The following CEP290 variants were observed in gnomAD, a reference collection of about 807,000 sequenced individuals.
CEP290 encodes centrosomal protein 290, also known as centrosomal protein of 290 kDa.
In CEP290, 317 loss-of-function variants were observed where a neutral mutation model predicts 344.9. The observed-to-expected ratio is 0.92, with a 90% CI of 0.84 to 1.01. The LOEUF is 1.01. CEP290 is among the 50% of genes least tolerant of loss of function. The pLI, the probability that CEP290 is intolerant of heterozygous loss-of-function variation, is 0.00. For synonymous variants in CEP290, 932 were observed against 895.8 expected (o/e 1.04, Z -0.72); for missense variants, 2,754 against 2,761.4 (o/e 1.00, Z 0.06).
At position 88,060,812 on chromosome 12, in the gene CEP290, C is replaced by A. The variant is rs1359522025; in HGVS notation, c.6522+18G>T. ...CGTAAAATATTCCCCTAAAAATGATCACATTAAAAAAAATTACCTTCAATT... is the reference window on the plus strand; with the variant it reads ...CGTAAAATATTCCCCTAAAAATGATAACATTAAAAAAAATTACCTTCAATT... On this transcript the variant is annotated intron_variant, in intron 47 of 53. Coordinates refer to ENST00000552810, the MANE Select transcript of CEP290 (RefSeq NM_025114.4). 1 of 1,396,968 alleles carries A rather than the reference C, an allele frequency of 7.2e-7. No individual in the cohort carries two copies. The highest frequency in any genetic ancestry group is 1.4e-5 in the South Asian group (1 of 71,474). The allele number at this position is 1,396,968 out of a possible 1,614,324, so 86.5% of individuals were successfully genotyped here. A position where few individuals can be genotyped will look rare whatever the true frequency, so the allele number is the denominator to read the frequency against.
rs766982108 is a variant in CEP290 at position 88,106,914 on chromosome 12, A to G, written c.2587-9T>C. The G allele has an allele frequency of 6.3e-6, 10 of 1,591,812 alleles. No individual in the cohort carries two copies. The Admixed American group carries it at 1.7e-4, about 28-fold the overall frequency. ...AGAGCATTGAGCAAATTCTGCACAA[A>G]GACACATCCATATTACTTGTTGAAT... On this transcript the variant is annotated splice_polypyrimidine_tract_variant and intron_variant, in intron 24 of 53. Coordinates refer to ENST00000552810, the MANE Select transcript of CEP290 (RefSeq NM_025114.4).
At chr12:88,059,640 C>G (rs1172918548) in intron 48 of CEP290, among the ~76,000 whole-genome samples, 1 of 152,206 alleles carries the variant, frequency 6.6e-6, no homozygotes, top group Non-Finnish European at 1.5e-5. Context: ...ATCTCCTGAC[C>G]TCGTGATCCA....
intron 12 of CEP290, among the ~76,000 whole-genome samples, 179 bp downstream of exon 12, chr12:88,126,137 A>G (rs189189029): frequency 7.9e-5 from 12 of 152,226 alleles, no homozygotes; most frequent in African/African-American, 2.4e-4. Context: ...CGTGATCTAA[A>G]CTTAATTCTA....
intron 11 of CEP290, among the ~76,000 whole-genome samples, chr12:88,128,323 G>A (rs1388651334): frequency 6.6e-6 from 1 of 152,102 alleles, no homozygotes; most frequent in Non-Finnish European, 1.5e-5. Flanking sequence ...CAAGATTTAT[G>A]TGAACCATAC....
chr12:88,115,598 A>G, intron 18 of CEP290: 1 of 1,226,750 alleles, frequency 8.2e-7, no homozygotes, highest in South Asian at 1.3e-5. Context: ...AAATTAGACA[A>G]GTCAATGAGT....
intron 32 of CEP290, among the ~76,000 whole-genome samples, chr12:88,087,196 A>C (rs866995865): frequency 6.6e-6 from 1 of 152,228 alleles, no homozygotes; most frequent in East Asian, 1.9e-4. Flanking sequence ...TATCAGTGAG[A>C]GCCAGTAGAA....
chr12:88,121,412 T>C (rs1184889164), intron 13 of CEP290, among the ~76,000 whole-genome samples: 1 of 152,112 alleles, frequency 6.6e-6, no homozygotes, highest in East Asian at 1.9e-4. Flanking sequence ...AATACTGCTT[T>C]ACAAAAAATG....
rs767636506 is a variant in CEP290 at position 88,083,226 on chromosome 12, A to G, written c.4817T>C (p.Leu1606Ser). The change falls in exon 37 of 54, where the codon TTA (leucine) becomes TCA (serine). Residue 1606 changes from leucine (L) to serine (S), a missense_variant. By Grantham distance (145) the Leu-to-Ser change is moderately radical. Transcript: ENST00000552810. ...LNKFKQTAWDLMKQSPTPVPT... is the reference protein window; with the variant it reads ...LNKFKQTAWDSMKQSPTPVPT... Reference sequence around the variant, plus strand: ...AACTGGAGTGGGAGACTGTTTCATTAAATCCTATAAAATATGAATATATTA... The same window carrying G: ...AACTGGAGTGGGAGACTGTTTCATTGAATCCTATAAAATATGAATATATTA... 2 of 1,448,762 alleles carry G rather than the reference A, an allele frequency of 1.4e-6. No individual in the cohort carries two copies. The highest frequency in any genetic ancestry group is 6.2e-5 in the Admixed American group (2 of 32,184). 89.7% of individuals were successfully genotyped at this position (1,448,762 alleles called of 1,614,324 possible).
Position 88,060,948 on chromosome 12 carries a change from C to A in CEP290, c.6404G>T (p.Gly2135Val). Residue 2135 changes from glycine to valine, a missense_variant, in exon 47 of 54, where the codon GGT (glycine) becomes GTT (valine). Transcript: ENST00000552810. Reference sequence around the variant, plus strand: ...TTTTTCAACTACTTTTTTCATTAAACCAATGGTTTTTTCCAGTTCTGGGAT... The same window carrying A: ...TTTTTCAACTACTTTTTTCATTAAAACAATGGTTTTTTCCAGTTCTGGGAT... ...KTIPELEKTI[G>V]LMKKVVEKVQ... The A allele has an allele frequency of 6.4e-7, 1 of 1,561,702 alleles. No individual in the cohort carries two copies. The highest frequency in any genetic ancestry group is 8.7e-7 in the Non-Finnish European group (1 of 1,151,926).
intron 18 of CEP290, among the ~76,000 whole-genome samples, chr12:88,116,697 G>A (rs747391621): frequency 1.3e-3 from 204 of 152,238 alleles, no homozygotes; most frequent in Non-Finnish European, 2.0e-3. Context: ...TTTCCTGGCC[G>A]GGCGCGGTGG....
At chr12:88,061,128 C>A in intron 46 of CEP290, 134 bp from the exon 47 acceptor site, 1 of 607,082 alleles carries the variant, frequency 1.6e-6, no homozygotes, top group East Asian at 3.4e-5. Flanking sequence ...TCAATTCATC[C>A]TTAAAACAAT....
At chr12:88,133,949 G>A (rs932418716) in intron 6 of CEP290, among the ~76,000 whole-genome samples, 8 of 152,038 alleles carry the variant, frequency 5.3e-5, no homozygotes, top group African/African-American at 1.9e-4. Flanking sequence ...CCTTTCTTGA[G>A]CTTTTCCTTG....
intron 23 of CEP290, among the ~76,000 whole-genome samples, chr12:88,108,586 G>GAA: frequency 6.6e-6 from 1 of 152,090 alleles, no homozygotes; most frequent in Non-Finnish European, 1.5e-5. Flanking sequence ...CAGAAATAAG[G>GAA]AGAAATATGT....
chr12:88,050,789 T>C (rs1374752332), intron 52 of CEP290, among the ~76,000 whole-genome samples: 2 of 152,186 alleles, frequency 1.3e-5, no homozygotes, highest in African/African-American at 2.4e-5. Flanking sequence ...TAAGGGACTA[T>C]AACCATAAGC....
chr12:88,092,116 T>C (rs926416013), intron 29 of CEP290, among the ~76,000 whole-genome samples: 5 of 152,152 alleles, frequency 3.3e-5, no homozygotes, highest in Non-Finnish European at 7.4e-5. Flanking sequence ...TTTTGTGTTC[T>C]AAACTAGCTG....
At chr12:88,074,685 C>G (rs1592795227) in intron 41 of CEP290, among the ~76,000 whole-genome samples, 1 of 152,288 alleles carries the variant, frequency 6.6e-6, no homozygotes, top group East Asian at 1.9e-4. Flanking sequence ...GTAATCTTCC[C>G]CTGCCTTTCT....
intron 13 of CEP290, among the ~76,000 whole-genome samples, chr12:88,124,566 GTA>G (rs1190565579): frequency 6.6e-6 from 1 of 151,540 alleles, no homozygotes; most frequent in Non-Finnish European, 1.5e-5. Context: ...CATATGACAT[GTA>G]TATATATGTG....
At chr12:88,081,507 G>C (rs937977750) in intron 37 of CEP290, among the ~76,000 whole-genome samples, 1 of 152,146 alleles carries the variant, frequency 6.6e-6, no homozygotes, top group African/African-American at 2.4e-5. Context: ...CTGAGATTCT[G>C]ACCAATAAGA....
intron 45 of CEP290, among the ~76,000 whole-genome samples, chr12:88,063,517 AT>A (rs763992567): frequency 6.6e-6 from 1 of 151,858 alleles, no homozygotes; most frequent in Non-Finnish European, 1.5e-5. Context: ...GTCTGTAATT[AT>A]TTTTCTAGTA....
Sources: allele counts gnomAD v4.1 joint callset (sites outside exome capture counted in the v4.1 genomes callset), GRCh38; gene constraint gnomAD v4.1.1; transcripts MANE v1.5; gene names NCBI Gene and HGNC (gene_info 2026-07-23, HGNC 2026-07-21).